Variants in GRIK1 observed in about 807,000 individuals in gnomAD.
GRIK1 encodes glutamate ionotropic receptor kainate type subunit 1.
In GRIK1, 69 loss-of-function variants were observed where a neutral mutation model predicts 105.7. The observed-to-expected ratio is 0.65, with a 90% CI of 0.54 to 0.80. The LOEUF is 0.80. Ranked by LOEUF, GRIK1 falls within the 30% of genes least tolerant of loss-of-function variation. GRIK1 has a pLI of 0.00. For missense variants in GRIK1, 1,109 were observed against 1,167.3 expected (o/e 0.95, Z 0.73); for synonymous variants, 438 against 431.3 (o/e 1.02, Z -0.19).
At chr21:29,754,666 T>A (rs2065289594) in intron 1 of GRIK1, among the ~76,000 whole-genome samples, 1 of 152,236 alleles carries the variant, frequency 6.6e-6, no homozygotes, top group Admixed American at 6.5e-5. Context: ...ACCTGGGTGT[T>A]GCTGGCAAGG....
intron 1 of GRIK1, among the ~76,000 whole-genome samples, chr21:29,853,529 A>G (rs962773250): frequency 3.9e-5 from 6 of 152,252 alleles, no homozygotes; most frequent in Admixed American, 3.3e-4. Flanking sequence ...TCATTTCAGT[A>G]GTAAAAGTAT....
intron 6 of GRIK1, among the ~76,000 whole-genome samples, chr21:29,644,237 T>A (rs2062572492): frequency 6.6e-6 from 1 of 152,194 alleles, no homozygotes; most frequent in South Asian, 2.1e-4. Context: ...CTTTGAATCA[T>A]TATTATTCTG....
intron 14 of GRIK1, among the ~76,000 whole-genome samples, chr21:29,574,683 CTTTT>C (rs71191118): frequency 0.011 from 1,058 of 98,396 alleles, 9 homozygotes; most frequent in African/African-American, 0.037. Flanking sequence ...TGATACACTT[CTTTT>C]TTTTTTTTTT....
intron 1 of GRIK1, among the ~76,000 whole-genome samples, chr21:29,697,927 T>C (rs1017010534): frequency 7.4e-6 from 1 of 134,484 alleles, no homozygotes; most frequent in Non-Finnish European, 1.5e-5. Flanking sequence ...TCTCTCTCTC[T>C]CTCTTTCTTT....
Position 29,555,175 on chromosome 21 carries a change from A to C in GRIK1, c.2484T>G (p.Ser828Arg). 1 of 1,613,962 alleles carries C rather than the reference A, an allele frequency of 6.2e-7. No individual in the cohort carries two copies. Among genetic ancestry groups the C allele is most frequent in the South Asian group, 1.1e-5 (1 of 91,084 alleles). The change falls in exon 16 of 18, where the codon AGT (serine) becomes AGG (arginine). Residue 828 changes from serine (S) to arginine (R), a missense_variant. Physicochemically the swap from Ser to Arg is moderately radical, Grantham distance 110 (BLOSUM62 -1). Around this residue, in one of 5 missense-constraint regions of GRIK1, gnomAD observed 161 missense variants for 143.4 expected, o/e 1.12. Coordinates refer to ENST00000327783, the MANE Select transcript of GRIK1 (RefSeq NM_001330994.2). ...CTCCAATATTTTCCACTCCCAGGGC[A>C]CTGGCTTCTTTGTTGTCTTCCTCGG... ...GCPEEDNKEASALGVENIGGI... is the reference protein window; with the variant it reads ...GCPEEDNKEARALGVENIGGI...
intron 1 of GRIK1, among the ~76,000 whole-genome samples, chr21:29,768,608 G>A (rs1320150460): frequency 6.6e-6 from 1 of 152,182 alleles, no homozygotes; most frequent in Admixed American, 6.5e-5. Context: ...GGGTGTTAAT[G>A]TCCTCCGCCT....
intron 14 of GRIK1, among the ~76,000 whole-genome samples, chr21:29,564,211 A>G (rs8132688): frequency 0.052 from 7,868 of 151,952 alleles, 671 homozygotes; most frequent in African/African-American, 0.17. Context: ...GCAGTGGCGC[A>G]ATCTCGGCTC....
rs377245035 is a variant in GRIK1, at chr21:29,573,187, G to A, written c.2130+3777C>T. ...TACTATCATCACATTCTTCCTCTCT[G>A]AGGTGCTTATTGTTTCATCATTTTC... On this transcript the variant is annotated intron_variant, in intron 14 of 17. Transcript: ENST00000327783. Among the ~76,000 whole-genome samples, 90 of 152,252 alleles carry A rather than the reference G, an allele frequency of 5.9e-4. 1 individual carries two copies. Among genetic ancestry groups the A allele is most frequent in the African/African-American group, 2.1e-3 (89 of 41,538 alleles).
intron 16 of GRIK1, among the ~76,000 whole-genome samples, chr21:29,548,832 C>G (rs2090085704): frequency 6.6e-6 from 1 of 152,176 alleles, no homozygotes; most frequent in Non-Finnish European, 1.5e-5. Flanking sequence ...TCCTACCCAC[C>G]ATGTATTCCT....
At chr21:29,580,091 ATATATATGTGTG>A (rs1568843546) in intron 13 of GRIK1, among the ~76,000 whole-genome samples, 1 of 140,368 alleles carries the variant, frequency 7.1e-6, no homozygotes, top group Non-Finnish European at 1.6e-5. Context: ...ATGTGTGTGT[ATATATATGTGTG>A]TATATATACA....
intron 16 of GRIK1, among the ~76,000 whole-genome samples, chr21:29,547,853 G>A (rs2090072074): frequency 6.6e-6 from 1 of 152,170 alleles, no homozygotes; most frequent in Non-Finnish European, 1.5e-5. Flanking sequence ...AAATAGAACT[G>A]AAGACTCTTG....
At chr21:29,560,371 TCCTTCCTTCCTTCC>T (rs1754487339) in intron 15 of GRIK1, among the ~76,000 whole-genome samples, 5 of 40,158 alleles carry the variant, frequency 1.2e-4, no homozygotes, top group East Asian at 1.6e-3. Context: ...CTTTCTTCCT[TCCTTCCTTCCTTCC>T]TTCCTTCCTT....
At chr21:29,793,424 G>C (rs768468506) in intron 1 of GRIK1, among the ~76,000 whole-genome samples, 1 of 152,070 alleles carries the variant, frequency 6.6e-6, no homozygotes, top group Non-Finnish European at 1.5e-5. Context: ...TGGCTCTTGA[G>C]TATATTCAGT....
intron 3 of GRIK1, among the ~76,000 whole-genome samples, chr21:29,685,529 C>T (rs769067032): frequency 5.3e-5 from 8 of 151,872 alleles, no homozygotes; most frequent in Admixed American, 2.6e-4. Context: ...CGTAGGTAAT[C>T]GCCTAACCAA....
chr21:29,659,475 T>C (rs2062919052), intron 4 of GRIK1, among the ~76,000 whole-genome samples: 1 of 152,164 alleles, frequency 6.6e-6, no homozygotes, highest in Admixed American at 6.5e-5. Context: ...ACTTATGAAA[T>C]TCCATTCCAT....
chr21:29,903,873 C>G lies in GRIK1; in HGVS notation c.118+35510G>C, dbSNP rs2070504803. Among the ~76,000 whole-genome samples the G allele has an allele frequency of 2.6e-5, 4 of 152,046 alleles. No individual in the cohort carries two copies. The South Asian group carries it at 8.3e-4, about 32-fold the overall frequency. ...ACAATAGCAAAGACTTGGAACCAAC[C>G]CAAATGTCTATCAATGATAAACTGG... is the stretch of plus-strand genomic sequence containing the variant. On this transcript the variant is annotated intron_variant, in intron 1 of 17. Coordinates refer to ENST00000327783, the MANE Select transcript of GRIK1 (RefSeq NM_001330994.2).
chr21:29,823,620 A>C (rs1031965393), intron 1 of GRIK1, among the ~76,000 whole-genome samples: 8 of 152,058 alleles, frequency 5.3e-5, no homozygotes, highest in African/African-American at 1.7e-4. Context: ...GGAAAATTTT[A>C]GACAACTTGA....
Position 29,555,317 on chromosome 21 carries a change from A to C in GRIK1, c.2357-15T>G, listed in dbSNP as rs756440782. 4 of 1,609,176 alleles carry C rather than the reference A, an allele frequency of 2.5e-6. No individual in the cohort carries two copies. In the South Asian group the frequency reaches 3.3e-5, roughly 13 times the overall value. On this transcript the variant is annotated splice_polypyrimidine_tract_variant and intron_variant, in intron 15 of 17. Coordinates refer to ENST00000327783, the MANE Select transcript of GRIK1 (RefSeq NM_001330994.2). ...GTAAGGAGAACCTGGAAGTAAAACC[A>C]TCTGGATATTGGTCACCAAAATGTT...
At chr21:29,841,975 C>T (rs2067995734) in intron 1 of GRIK1, among the ~76,000 whole-genome samples, 1 of 152,138 alleles carries the variant, frequency 6.6e-6, no homozygotes, top group Non-Finnish European at 1.5e-5. Flanking sequence ...ATTGTTGACT[C>T]TGTCTTGTAT....
Sources: allele counts gnomAD v4.1 joint callset (sites outside exome capture counted in the v4.1 genomes callset), GRCh38; gene constraint gnomAD v4.1.1; regional missense constraint gnomAD v4.1.1; transcripts MANE v1.5; gene names NCBI Gene and HGNC (gene_info 2026-07-23, HGNC 2026-07-21).